The following NBAS variants were observed in gnomAD, a reference collection of about 807,000 sequenced individuals.
NBAS encodes the protein NAG/BC035112 fusion.
NBAS carries 219 observed loss-of-function variants against 302.5 expected under a neutral mutation model. The observed-to-expected ratio is 0.72, with a 90% confidence interval of 0.65 to 0.81. The LOEUF (loss-of-function observed/expected upper bound fraction) is 0.81, where lower values mean the gene tolerates loss of function less well. Among genes scored for constraint, NBAS ranks in the 30% least tolerant of loss-of-function variants. NBAS has a pLI of 0.00. For synonymous variants in NBAS, 1,118 were observed against 1,021.6 expected (o/e 1.09, Z -1.80); for missense variants, 2,932 against 2,841.6 (o/e 1.03, Z -0.72).
chr2:15,471,198 T>A lies in NBAS; in HGVS notation c.1725+2024A>T, dbSNP rs1225724122. 2.6e-5 allele frequency among the ~76,000 whole-genome samples: 4 copies of A among 152,166 alleles called. No individual in the cohort carries two copies. The East Asian group carries it at 7.7e-4, about 29-fold the overall frequency. On this transcript the variant is annotated intron_variant, in intron 16 of 51. Transcript: ENST00000281513. ...CCAGAAAAAGATATACATGAACTCA[T>A]GAGCTCATTGTCTTAGATCACAAAA...
intron 50 of NBAS, among the ~76,000 whole-genome samples, chr2:15,182,181 G>A (rs1196440182): frequency 6.6e-6 from 1 of 152,226 alleles, no homozygotes; most frequent in Non-Finnish European, 1.5e-5. Flanking sequence ...TGCTGGGCCT[G>A]CTGCTCGACC....
intron 26 of NBAS, among the ~76,000 whole-genome samples, 187 bp downstream of exon 26, chr2:15,401,981 T>C (rs111974655): frequency 7.9e-5 from 12 of 152,266 alleles, no homozygotes; most frequent in African/African-American, 2.4e-4. Flanking sequence ...ATATAGAACT[T>C]CCCATATATT....
At chr2:14,942,422 C>A in the NBAS span, among the ~76,000 whole-genome samples, 1 of 152,094 alleles carries the variant, frequency 6.6e-6, no homozygotes, top group Non-Finnish European at 1.5e-5. Context: ...TAGCACCTCA[C>A]CCCTCACTCT....
At chr2:15,541,842 CGGG>C in intron 6 of NBAS, among the ~76,000 whole-genome samples, 1 of 68,514 alleles carries the variant, frequency 1.5e-5, no homozygotes. Context: ...CCGCCCCGTC[CGGG>C]AGGGAGGTGG....
chr2:15,232,032 G>GT (rs1214718610), intron 47 of NBAS, among the ~76,000 whole-genome samples: 2 of 152,162 alleles, frequency 1.3e-5, no homozygotes, highest in African/African-American at 2.4e-5. Context: ...TTTATACAAA[G>GT]TTTTTTTGTT....
rs775753457 is a variant in NBAS, at chr2:15,394,255, C to A, written c.3229G>T (p.Val1077Phe). The change falls in exon 28 of 52, where the codon GTT becomes TTT. Residue 1077 changes from valine to phenylalanine, a missense_variant. Transcript: ENST00000281513. Reference sequence around the variant, plus strand: ...CGGCCAGTGTGCCTCGTCAATCTAACCATCAGCTTGCGTGCCTCTTCTGAG... The same window carrying A: ...CGGCCAGTGTGCCTCGTCAATCTAAACATCAGCTTGCGTGCCTCTTCTGAG... Reference protein sequence around the residue: ...SSSEEARKLMVRLTRHTGRKQ... With the variant: ...SSSEEARKLMFRLTRHTGRKQ... 1.2e-6 allele frequency: 2 copies of A among 1,611,714 alleles called. No homozygotes were observed. The highest frequency in any genetic ancestry group is 1.3e-5 in the African/African-American group (1 of 74,926).
At chr2:14,954,852 C>A in the NBAS span, among the ~76,000 whole-genome samples, 1 of 152,122 alleles carries the variant, frequency 6.6e-6, no homozygotes, top group Admixed American at 6.5e-5. Context: ...ATGGGAACTA[C>A]AATATAAGAT....
the NBAS span, among the ~76,000 whole-genome samples, chr2:15,113,751 T>TA: frequency 1.3e-5 from 2 of 152,048 alleles, no homozygotes; most frequent in Non-Finnish European, 2.9e-5. Flanking sequence ...CGGAATGGAG[T>TA]ATTTGCTCTG....
chr2:14,810,935 C>A, the NBAS span, among the ~76,000 whole-genome samples: 1 of 152,138 alleles, frequency 6.6e-6, no homozygotes, highest in Admixed American at 6.5e-5. Flanking sequence ...CTGCCCAGAG[C>A]AGAAAGATTA....
chr2:15,002,876 A>G, the NBAS span, among the ~76,000 whole-genome samples: 61,279 of 151,998 alleles, frequency 0.4, 13,106 homozygotes, highest in African/African-American at 0.49. Flanking sequence ...CAGCTGGCCC[A>G]CAAGCGCCAC....
intron 9 of NBAS, among the ~76,000 whole-genome samples, chr2:15,523,862 C>T (rs1662794420): frequency 6.6e-6 from 1 of 152,034 alleles, no homozygotes; most frequent in Admixed American, 6.6e-5. Flanking sequence ...TGTAGTAAGC[C>T]GAGATCACGC....
chr2:14,804,692 A>G, the NBAS span, among the ~76,000 whole-genome samples: 2 of 152,208 alleles, frequency 1.3e-5, no homozygotes, highest in Admixed American at 6.5e-5. Context: ...GCTCCGATGT[A>G]AAGTAGATAA....
At chr2:14,945,188 A>T in the NBAS span, among the ~76,000 whole-genome samples, 1 of 152,288 alleles carries the variant, frequency 6.6e-6, no homozygotes, top group African/African-American at 2.4e-5. Flanking sequence ...GACTTCCCCC[A>T]TTCAGGAAGG....
intron 35 of NBAS, among the ~76,000 whole-genome samples, chr2:15,331,559 A>G (rs1442247690): frequency 6.6e-6 from 1 of 152,202 alleles, no homozygotes; most frequent in Non-Finnish European, 1.5e-5. Context: ...ATCAATACCA[A>G]TAGCTTGTTG....
the NBAS span, among the ~76,000 whole-genome samples, chr2:15,153,881 T>C: frequency 1.3e-5 from 2 of 152,254 alleles, no homozygotes; most frequent in Non-Finnish European, 2.9e-5. Context: ...TCCATAAAAG[T>C]GTTTTATAAA....
chr2:15,274,946 G>GT (rs1038883194), intron 44 of NBAS, among the ~76,000 whole-genome samples: 82 of 145,018 alleles, frequency 5.7e-4, no homozygotes, highest in South Asian at 8.8e-4. Flanking sequence ...TTTTTTTTTG[G>GT]TTTTTTTTTT....
the NBAS span, among the ~76,000 whole-genome samples, chr2:15,127,047 G>A: frequency 6.6e-6 from 1 of 152,184 alleles, no homozygotes. Context: ...TGCCCTGGGG[G>A]CAGGGCCAGC....
At chr2:14,895,739 C>CAAAAAAAAA in the NBAS span, among the ~76,000 whole-genome samples, 1 of 95,474 alleles carries the variant, frequency 1.0e-5, no homozygotes, top group Non-Finnish European at 2.2e-5. Context: ...GACTCCGTCT[C>CAAAAAAAAA]AAAAAAAAAA....
At chr2:15,458,521 T>C (rs1404436446) in intron 21 of NBAS, among the ~76,000 whole-genome samples, 2 of 152,108 alleles carry the variant, frequency 1.3e-5, no homozygotes, top group Non-Finnish European at 2.9e-5. Context: ...CTTTTCTCTC[T>C]TGCTTCCCTC....
Sources: gnomAD v4.1 joint callset for allele counts (sites outside exome capture counted in the v4.1 genomes callset) on GRCh38, gnomAD v4.1.1 for gene constraint, MANE v1.5 for transcripts, NCBI Gene and HGNC (gene_info 2026-07-23, HGNC 2026-07-21) for gene names.